The following LIPI variants were observed in gnomAD, a reference collection of about 807,000 sequenced individuals.
LIPI encodes lipase I.
In LIPI, 59 loss-of-function variants were observed where a neutral mutation model predicts 50.6. The observed-to-expected ratio is 1.16, with a 90% confidence interval of 0.94 to 1.45. The LOEUF (loss-of-function observed/expected upper bound fraction) is 1.45. Among genes scored for constraint, LIPI ranks in the 40% most tolerant of loss-of-function variants. The pLI, the probability that LIPI is intolerant of heterozygous loss-of-function variation, is 0.00. For missense variants in LIPI, 586 were observed against 536.3 expected (o/e 1.09, Z -0.92); for synonymous variants, 203 against 178.2 (o/e 1.14, Z -1.11).
At chr21:14,196,807 C>A (rs1000011911) in intron 1 of LIPI, among the ~76,000 whole-genome samples, 27 of 152,058 alleles carry the variant, frequency 1.8e-4, no homozygotes, top group Non-Finnish European at 1.8e-4. Flanking sequence ...GCCTGGGCAA[C>A]AGAAGGAGAA....
chr21:14,177,273 G>GATA (rs2019130041), intron 4 of LIPI, among the ~76,000 whole-genome samples: 1 of 151,780 alleles, frequency 6.6e-6, no homozygotes, highest in Admixed American at 6.6e-5. Flanking sequence ...CCATTTGGAG[G>GATA]ATAATATTTG....
intron 1 of LIPI, among the ~76,000 whole-genome samples, chr21:14,205,998 A>G (rs1353948663): frequency 6.6e-6 from 1 of 152,166 alleles, no homozygotes; most frequent in Admixed American, 6.6e-5. Context: ...GTAAGCTGAG[A>G]AATAATACTG....
intron 4 of LIPI, among the ~76,000 whole-genome samples, chr21:14,180,028 C>A (rs1373060391): frequency 6.6e-6 from 1 of 151,972 alleles, no homozygotes; most frequent in Non-Finnish European, 1.5e-5. Context: ...AATATTAATA[C>A]CCTGGGAAAT....
intron 9 of LIPI, among the ~76,000 whole-genome samples, chr21:14,122,428 G>C (rs544255215): frequency 1.1e-4 from 17 of 152,242 alleles, no homozygotes; most frequent in Non-Finnish European, 2.1e-4. Context: ...CGTTGGAACT[G>C]GGAAACTCAT....
At chr21:14,167,325 T>C (rs571730873) in intron 4 of LIPI, among the ~76,000 whole-genome samples, 18 of 152,322 alleles carry the variant, frequency 1.2e-4, no homozygotes, top group Middle Eastern at 3.4e-3. Flanking sequence ...CTCTGCAGAC[T>C]TAAATGTCTC....
chr21:14,191,055 T>C (rs1054860222), intron 1 of LIPI, among the ~76,000 whole-genome samples: 1 of 151,806 alleles, frequency 6.6e-6, no homozygotes. Flanking sequence ...CAAGAAAAAA[T>C]ACATCTCAAA....
At chr21:14,138,246 C>A (rs1000359972) in intron 9 of LIPI, among the ~76,000 whole-genome samples, 2 of 151,654 alleles carry the variant, frequency 1.3e-5, no homozygotes, top group African/African-American at 4.8e-5. Flanking sequence ...GATTTCAGGA[C>A]AAGTAATATA....
In LIPI at chr21:14,187,280, C is replaced by T. The variant is rs188473063; in HGVS notation, c.433-1211G>A. Among the ~76,000 whole-genome samples, 6 of 152,248 alleles carry T rather than the reference C, an allele frequency of 3.9e-5. No individual in the cohort carries two copies. In the East Asian group the frequency reaches 1.2e-3, roughly 29 times the overall value. ...ACACTCTTGGGGAGCTATTGTGAGACTTGTGGACAGATCATGGTCCAGCCC... is the reference window on the plus strand; with the variant it reads ...ACACTCTTGGGGAGCTATTGTGAGATTTGTGGACAGATCATGGTCCAGCCC... On this transcript the variant is annotated intron_variant, in intron 2 of 9. Coordinates refer to ENST00000681601, the MANE Select transcript of LIPI (RefSeq NM_001302998.2).
chr21:14,138,848 C>T (rs942548932), intron 9 of LIPI, among the ~76,000 whole-genome samples: 1 of 152,004 alleles, frequency 6.6e-6, no homozygotes, highest in Non-Finnish European at 1.5e-5. Flanking sequence ...CAAACATTTA[C>T]ATAACACTTA....
Position 14,166,351 on chromosome 21 carries a change from T to G in LIPI, c.733+11A>C. The G allele has an allele frequency of 7.1e-7, 1 of 1,418,298 alleles. No individual in the cohort carries two copies. Among genetic ancestry groups the G allele is most frequent in the Non-Finnish European group, 1.0e-6 (1 of 1,001,882 alleles). The allele number at this position is 1,418,298 out of a possible 1,614,324, so 87.9% of individuals were successfully genotyped here. A position where few individuals can be genotyped will look rare whatever the true frequency, so the allele number is the denominator to read the frequency against. ...TATTATGTAGTTCATTCAAAAATAC[T>G]GTCAGTATACCTGAGAAAATTGATT... On this transcript the variant is annotated intron_variant, in intron 5 of 9. Transcript: ENST00000681601.
chr21:14,172,180 C>T (rs1277158132), intron 4 of LIPI, among the ~76,000 whole-genome samples: 1 of 150,812 alleles, frequency 6.6e-6, no homozygotes, highest in Admixed American at 6.6e-5. Flanking sequence ...CCATCTCACA[C>T]CAGTTAGAAT....
intron 4 of LIPI, among the ~76,000 whole-genome samples, chr21:14,170,666 C>G (rs561821524): frequency 1.8e-4 from 28 of 152,184 alleles, no homozygotes; most frequent in East Asian, 7.7e-4. Context: ...ATTCAACAAC[C>G]CTTCATGCTA....
intron 4 of LIPI, among the ~76,000 whole-genome samples, chr21:14,175,024 C>A (rs1247626373): frequency 6.6e-6 from 1 of 152,138 alleles, no homozygotes; most frequent in African/African-American, 2.4e-5. Flanking sequence ...TAAAAACAGT[C>A]ATTTATTGTC....
intron 4 of LIPI, among the ~76,000 whole-genome samples, chr21:14,174,841 C>T (rs569111912): frequency 1.3e-5 from 2 of 152,168 alleles, no homozygotes; most frequent in African/African-American, 4.8e-5. Context: ...CGTGAGCCAC[C>T]GCACCCGGCC....
At chr21:14,205,112 G>A (rs2020189252) in intron 1 of LIPI, among the ~76,000 whole-genome samples, 1 of 151,502 alleles carries the variant, frequency 6.6e-6, no homozygotes, top group Non-Finnish European at 1.5e-5. Context: ...TATTCAAAGA[G>A]TTCATAAATG....
At chr21:14,125,085 T>C (rs1295058324) in intron 9 of LIPI, among the ~76,000 whole-genome samples, 1 of 152,212 alleles carries the variant, frequency 6.6e-6, no homozygotes, top group East Asian at 1.9e-4. Context: ...ACACTAAATG[T>C]TGAAAAATTC....
At chr21:14,111,934 T>A (rs1416235365) in intron 9 of LIPI, among the ~76,000 whole-genome samples, 1 of 152,100 alleles carries the variant, frequency 6.6e-6, no homozygotes, top group East Asian at 1.9e-4. Flanking sequence ...TTGGGCTTCC[T>A]GTGTACCCAA....
chr21:14,160,831 G>C (rs561894160), intron 7 of LIPI, among the ~76,000 whole-genome samples: 4 of 150,994 alleles, frequency 2.6e-5, no homozygotes, highest in Non-Finnish European at 4.5e-5. Context: ...ATATCCAAAA[G>C]ACACGAATAC....
intron 9 of LIPI, among the ~76,000 whole-genome samples, chr21:14,121,828 G>T (rs2016873205): frequency 6.6e-6 from 1 of 152,152 alleles, no homozygotes; most frequent in African/African-American, 2.4e-5. Context: ...GAGGAACCAA[G>T]GCACAGCAGA....
Sources: allele counts gnomAD v4.1 joint callset (sites outside exome capture counted in the v4.1 genomes callset), GRCh38; gene constraint gnomAD v4.1.1; transcripts MANE v1.5; gene names NCBI Gene and HGNC (gene_info 2026-07-23, HGNC 2026-07-21).